Variants in GNG2 observed in about 807,000 individuals in gnomAD.
GNG2 encodes guanine nucleotide-binding protein G(I)/G(S)/G(O) subunit gamma-2.
GNG2 carries 5 observed loss-of-function variants against 5.5 expected under a neutral mutation model. The observed-to-expected ratio is 0.91, with a 90% CI of 0.48 to 1.92. The LOEUF is 1.92. Among genes scored for constraint, GNG2 ranks in the 30% most tolerant of loss-of-function variants. The probability of loss-of-function intolerance (pLI) is 0.01; values close to 1 mark genes in which losing one functional copy is unlikely to be tolerated. For missense variants in GNG2, 55 were observed against 88.4 expected (o/e 0.62, Z 1.52); for synonymous variants, 28 against 32.0 (o/e 0.88, Z 0.42).
chr14:51,894,885 T>G (rs1203689619), intron 2 of GNG2, among the ~76,000 whole-genome samples: 1 of 152,132 alleles, frequency 6.6e-6, no homozygotes, highest in Non-Finnish European at 1.5e-5. Flanking sequence ...ATAGATAGCC[T>G]TCTTCATAGT....
At chr14:51,966,046 C>T (rs1260490429) in intron 3 of GNG2, among the ~76,000 whole-genome samples, 1 of 151,072 alleles carries the variant, frequency 6.6e-6, no homozygotes, top group African/African-American at 2.4e-5. Flanking sequence ...CTGTCTCTAC[C>T]AAAAGTACAA....
intron 3 of GNG2, among the ~76,000 whole-genome samples, chr14:51,951,553 A>G (rs1017811929): frequency 1.3e-5 from 2 of 152,228 alleles, no homozygotes; most frequent in African/African-American, 4.8e-5. Flanking sequence ...ATTCTATGAA[A>G]TGCAGCTCAG....
intron 2 of GNG2, among the ~76,000 whole-genome samples, chr14:51,904,110 G>A (rs985719594): frequency 6.6e-6 from 1 of 152,136 alleles, no homozygotes; most frequent in African/African-American, 2.4e-5. Context: ...CTGATCCTAA[G>A]AAGGTACCTC....
intron 2 of GNG2, among the ~76,000 whole-genome samples, chr14:51,897,745 G>GT (rs1885291478): frequency 6.6e-6 from 1 of 152,220 alleles, no homozygotes; most frequent in Non-Finnish European, 1.5e-5. Context: ...GTGAACTTAC[G>GT]TGATGGCCAA....
chr14:51,947,584 A>G (rs957884141), intron 2 of GNG2, among the ~76,000 whole-genome samples: 5 of 152,212 alleles, frequency 3.3e-5, no homozygotes, highest in African/African-American at 9.7e-5. Flanking sequence ...CAGAGCCTCA[A>G]AAAGGAACAC....
At position 51,950,772 on chromosome 14, in the gene GNG2, A is replaced by G. The variant is rs762883265; in HGVS notation, c.87+7A>G. The G allele has an allele frequency of 5.7e-6, 9 of 1,572,218 alleles. No individual in the cohort carries two copies. Among genetic ancestry groups the G allele is most frequent in the Non-Finnish European group, 6.9e-6 (8 of 1,151,520 alleles). ...CAATATCGACAGGATAAAGGTGAGG[A>G]TGGTCTAACCCCACACTTCATCTAG... On this transcript the variant is annotated splice_region_variant and intron_variant, in intron 3 of 3. Transcript: ENST00000556766.
chr14:51,903,192 G>T (rs1263732077), intron 2 of GNG2, among the ~76,000 whole-genome samples: 1 of 152,030 alleles, frequency 6.6e-6, no homozygotes, highest in African/African-American at 2.4e-5. Flanking sequence ...TATTTGAAAT[G>T]ATATATTTCA....
intron 2 of GNG2, among the ~76,000 whole-genome samples, chr14:51,895,825 T>C (rs1885154071): frequency 6.6e-6 from 1 of 152,226 alleles, no homozygotes; most frequent in Non-Finnish European, 1.5e-5. Flanking sequence ...TGTGCTGTTC[T>C]TGCGATAGTG....
intron 3 of GNG2, among the ~76,000 whole-genome samples, chr14:51,960,247 ATCTT>A (rs144994774): frequency 0.031 from 4,726 of 151,942 alleles, 255 homozygotes; most frequent in African/African-American, 0.11. Flanking sequence ...AAGTTCACTA[ATCTT>A]TCTTCTACAG....
Position 51,915,714 on chromosome 14 carries a change from G to T in GNG2, c.-29-34936G>T, listed in dbSNP as rs182869193. Among the ~76,000 whole-genome samples the T allele has an allele frequency of 2.7e-3, 405 of 151,998 alleles. 3 individuals are homozygous for T. The highest frequency in any genetic ancestry group is 9.4e-3 in the African/African-American group (390 of 41,494). ...AATATTTTGTGACTAAATGCTATTT[G>T]GAAAAAAAAGTGGTATTTCTTTAAA... On this transcript the variant is annotated intron_variant, in intron 2 of 3. Transcript: ENST00000556766.
chr14:51,940,189 A>T (rs1038753767), intron 2 of GNG2: 5 of 152,230 alleles, frequency 3.3e-5, no homozygotes, highest in Admixed American at 2.6e-4. Context: ...GTGGGGACGG[A>T]GTGGGGAGGC....
At chr14:51,955,974 C>T (rs1005944737) in intron 3 of GNG2, among the ~76,000 whole-genome samples, 5 of 152,248 alleles carry the variant, frequency 3.3e-5, no homozygotes, top group Admixed American at 6.5e-5. Flanking sequence ...TCCAGTTAGA[C>T]GCCATCCTTG....
At chr14:51,889,750 A>G (rs560478343) in intron 2 of GNG2, among the ~76,000 whole-genome samples, 1 of 152,358 alleles carries the variant, frequency 6.6e-6, no homozygotes, top group Non-Finnish European at 1.5e-5. Context: ...TGTGACATCT[A>G]GAGATAAATT....
intron 1 of GNG2, among the ~76,000 whole-genome samples, chr14:51,866,074 G>GA (rs1241135540): frequency 2.0e-5 from 3 of 152,166 alleles, no homozygotes; most frequent in African/African-American, 7.2e-5. Flanking sequence ...GCAAATATGT[G>GA]TAAACAGTCA....
chr14:51,919,321 G>A (rs949630939), intron 2 of GNG2, among the ~76,000 whole-genome samples: 2 of 152,148 alleles, frequency 1.3e-5, no homozygotes, highest in African/African-American at 2.4e-5. Context: ...GCAATAATGT[G>A]AAAACAAGAT....
intron 1 of GNG2, among the ~76,000 whole-genome samples, chr14:51,876,440 T>TAAAC (rs1318188500): frequency 6.6e-6 from 1 of 152,184 alleles, no homozygotes; most frequent in Admixed American, 6.5e-5. Flanking sequence ...GGTCCCTTGA[T>TAAAC]AAACAGGACC....
intron 1 of GNG2, among the ~76,000 whole-genome samples, chr14:51,864,660 A>G (rs1012030843): frequency 2.4e-4 from 37 of 152,170 alleles, no homozygotes; most frequent in African/African-American, 7.7e-4. Context: ...CTGCTGGTCA[A>G]ATCTCAGACC....
intron 2 of GNG2, among the ~76,000 whole-genome samples, chr14:51,928,651 T>C (rs1037558447): frequency 2.6e-5 from 4 of 152,168 alleles, no homozygotes; most frequent in African/African-American, 9.7e-5. Flanking sequence ...AAGCCAAAAC[T>C]GAGGAGGAAG....
At chr14:51,900,912 T>G (rs1594893038) in intron 2 of GNG2, among the ~76,000 whole-genome samples, 5 of 152,324 alleles carry the variant, frequency 3.3e-5, no homozygotes, top group Admixed American at 3.3e-4. Flanking sequence ...AGGTTAGATA[T>G]TCAGTCTATG....
Sources: allele counts gnomAD v4.1 joint callset (sites outside exome capture counted in the v4.1 genomes callset), GRCh38; gene constraint gnomAD v4.1.1; transcripts MANE v1.5; gene names NCBI Gene and HGNC (gene_info 2026-07-23, HGNC 2026-07-21).